The following ELL variants were observed in gnomAD, a reference collection of about 807,000 sequenced individuals.
The protein encoded by ELL is elongation factor for RNA polymerase II, also known as RNA polymerase II elongation factor ELL.
Under a neutral mutation model 64.0 loss-of-function variants are expected in ELL, and 18 were observed. The observed-to-expected ratio is 0.28, with a 90% CI of 0.19 to 0.42. The LOEUF (loss-of-function observed/expected upper bound fraction) is 0.42. Ranked by LOEUF, ELL falls within the 10% of genes least tolerant of loss-of-function variation. The probability of loss-of-function intolerance (pLI) is 1.00; values close to 1 mark genes in which losing one functional copy is unlikely to be tolerated. For synonymous variants in ELL, 399 were observed against 376.2 expected (o/e 1.06, Z -0.70); for missense variants, 797 against 870.4 (o/e 0.92, Z 1.06).
chr19:18,458,397 T>A, intron 5 of ELL, 68 bp from the exon 6 acceptor site: 1 of 1,571,658 alleles, frequency 6.4e-7, no homozygotes, highest in Non-Finnish European at 8.6e-7. Flanking sequence ...AGAAAAAAGA[T>A]CTGATAGTGG....
At chr19:18,472,634 C>T in intron 2 of ELL, 1 of 590,782 alleles carries the variant, frequency 1.7e-6, no homozygotes, top group Non-Finnish European at 2.9e-6. Context: ...ATTGCCCAAG[C>T]AGCCTGTGAC....
At position 18,451,538 on chromosome 19, in the gene ELL, C is replaced by T; in HGVS notation, c.966+14G>A. 1 of 1,477,288 alleles carries T rather than the reference C, an allele frequency of 6.8e-7. No homozygotes were observed. The highest frequency in any genetic ancestry group is 8.9e-7 in the Non-Finnish European group (1 of 1,122,182). 91.5% of individuals were successfully genotyped at this position (1,477,288 alleles called of 1,614,324 possible). On this transcript the variant is annotated intron_variant, in intron 7 of 11. Coordinates refer to ENST00000262809, the MANE Select transcript of ELL (RefSeq NM_006532.4). ...AGGTGCTTGGGACAGTCACCCCAGG[C>T]ATGCCTCACTTACCTGTGGGGGCGA... is the stretch of plus-strand genomic sequence containing the variant.
At chr19:18,495,161 T>G (rs535846869) in intron 1 of ELL, among the ~76,000 whole-genome samples, 2 of 152,082 alleles carry the variant, frequency 1.3e-5, no homozygotes, top group Admixed American at 1.3e-4. Context: ...CTGTTCTAAC[T>G]GCCAAGGGTT....
chr19:18,507,692 C>T (rs538096048), intron 1 of ELL, among the ~76,000 whole-genome samples: 1 of 152,360 alleles, frequency 6.6e-6, no homozygotes, highest in Admixed American at 6.5e-5. Context: ...ACTGGAGAAA[C>T]ACTCCTGGAG....
At position 18,482,372 on chromosome 19, in the gene ELL, CA is replaced by C. The variant is rs531192955; in HGVS notation, c.136-9491del. Among the ~76,000 whole-genome samples the C allele has an allele frequency of 1.2e-4, 15 of 123,700 alleles. No individual in the cohort carries two copies. The South Asian group carries it at 3.9e-3, about 32-fold the overall frequency. 81.2% of individuals were successfully genotyped at this position (123,700 alleles called of 152,430 possible). A position where few individuals can be genotyped will look rare whatever the true frequency, so the allele number is the denominator to read the frequency against. ...TCGCCCTGTCACCTAGGCTGAAGTGCAGTGGTGTGATCTCAGCTCACTGCAA... is the reference window on the plus strand; with the variant it reads ...TCGCCCTGTCACCTAGGCTGAAGTGCGTGGTGTGATCTCAGCTCACTGCAA... On this transcript the variant is annotated intron_variant, in intron 1 of 11. Transcript: ENST00000262809.
At chr19:18,485,853 G>A (rs1975402440) in intron 1 of ELL, among the ~76,000 whole-genome samples, 1 of 152,116 alleles carries the variant, frequency 6.6e-6, no homozygotes, top group Non-Finnish European at 1.5e-5. Context: ...GGGCGTGGTA[G>A]CACACGCCTA....
chr19:18,465,849 C>T lies in ELL; in HGVS notation c.253G>A (p.Gly85Ser), dbSNP rs764272424. 3.7e-6 allele frequency: 5 copies of T among 1,346,102 alleles called. No individual in the cohort carries two copies. Among genetic ancestry groups the T allele is most frequent in the African/African-American group, 3.0e-5 (2 of 66,668 alleles). 83.4% of individuals were successfully genotyped at this position (1,346,102 alleles called of 1,614,324 possible). A position where few individuals can be genotyped will look rare whatever the true frequency, so the allele number is the denominator to read the frequency against. The change falls in exon 3 of 12, where the codon GGC (glycine) becomes AGC (serine). Residue 85 changes from glycine (G) to serine (S), a missense_variant. Physicochemically the swap from Gly to Ser is moderately conservative, Grantham distance 56. Transcript: ENST00000262809. ...RTFSFYLSNI[G>S]RDNPQGSFDC... ...AAGCTGCCCTGGGGGTTGTCGCGGC[C>T]GATGTTGGAGAGGTAGAAGGAGAAC...
At chr19:18,504,229 G>C (rs530212048) in intron 1 of ELL, among the ~76,000 whole-genome samples, 2 of 152,330 alleles carry the variant, frequency 1.3e-5, no homozygotes, top group Non-Finnish European at 2.9e-5. Context: ...GAGGAGGGGA[G>C]GTGGGCAAAG....
intron 1 of ELL, among the ~76,000 whole-genome samples, chr19:18,485,276 T>A (rs1288931334): frequency 6.6e-6 from 1 of 152,268 alleles, no homozygotes; most frequent in East Asian, 1.9e-4. Flanking sequence ...TCAACTCCCC[T>A]GCAGACAAGG....
At chr19:18,518,826 C>T (rs1340626746) in intron 1 of ELL, among the ~76,000 whole-genome samples, 2 of 152,008 alleles carry the variant, frequency 1.3e-5, no homozygotes, top group East Asian at 1.9e-4. Context: ...GCACAAAGTC[C>T]AAGGTAGAGT....
At chr19:18,465,208 C>T (rs1324278646) in intron 4 of ELL, among the ~76,000 whole-genome samples, 1 of 152,268 alleles carries the variant, frequency 6.6e-6, no homozygotes, top group Non-Finnish European at 1.5e-5. Context: ...CTATCCCTCA[C>T]ATAGCCCCCA....
At chr19:18,511,506 TAC>T (rs1173084609) in intron 1 of ELL, among the ~76,000 whole-genome samples, 1 of 152,152 alleles carries the variant, frequency 6.6e-6, no homozygotes, top group African/African-American at 2.4e-5. Context: ...CATGGTTCAC[TAC>T]AGTCAAGAGG....
At chr19:18,468,975 T>C (rs539865166) in intron 2 of ELL, among the ~76,000 whole-genome samples, 1 of 152,278 alleles carries the variant, frequency 6.6e-6, no homozygotes, top group Admixed American at 6.5e-5. Context: ...ATAGTGGCCC[T>C]TCACCCTGCT....
chr19:18,513,977 A>G (rs1976080290), intron 1 of ELL, among the ~76,000 whole-genome samples: 1 of 152,070 alleles, frequency 6.6e-6, no homozygotes, highest in African/African-American at 2.4e-5. Flanking sequence ...CAGTTATTCC[A>G]CAAACTTGAC....
At chr19:18,509,285 C>G (rs139239262) in intron 1 of ELL, among the ~76,000 whole-genome samples, 1 of 152,114 alleles carries the variant, frequency 6.6e-6, no homozygotes, top group African/African-American at 2.4e-5. Flanking sequence ...GTAGGGGCTA[C>G]AAGATCCACA....
rs192179563 is a variant in ELL at position 18,489,198 on chromosome 19, G to A, written c.136-16316C>T. Reference sequence around the variant, plus strand: ...CACACCAGAAAGCAGGAGACAGCAGGAGCTCTGCCAAGTGTGCTGTGGATC... The same window carrying A: ...CACACCAGAAAGCAGGAGACAGCAGAAGCTCTGCCAAGTGTGCTGTGGATC... On this transcript the variant is annotated intron_variant, in intron 1 of 11. Transcript: ENST00000262809. 1.5e-3 allele frequency among the ~76,000 whole-genome samples: 231 copies of A among 152,348 alleles called. 1 individual carries two copies. The highest frequency in any genetic ancestry group is 2.1e-3 in the Non-Finnish European group (142 of 68,036).
chr19:18,459,566 C>A, intron 5 of ELL, among the ~76,000 whole-genome samples: 1 of 138,382 alleles, frequency 7.2e-6, no homozygotes, highest in South Asian at 2.3e-4. Flanking sequence ...GTTGCCCAGG[C>A]TAGAGTGCAA....
rs35016380 is a variant in ELL, at chr19:18,449,974, C to CG, written c.1465+502dup. On this transcript the variant is annotated intron_variant, in intron 8 of 11. Coordinates refer to ENST00000262809, the MANE Select transcript of ELL (RefSeq NM_006532.4). This position sits in a 1 kb window ranked among gnomAD's most constrained non-coding sequence, Gnocchi z 4.4. Reference sequence around the variant, plus strand: ...GCAGAAACCTACAGTCCACAACAGTCGCACGGTGCCTACAGAGGTCCAGGT... The same window carrying CG: ...GCAGAAACCTACAGTCCACAACAGTCGGCACGGTGCCTACAGAGGTCCAGGT... 0.14 allele frequency among the ~76,000 whole-genome samples: 22,053 copies of CG among 152,226 alleles called. 1,692 individuals carry two copies. The highest frequency in any genetic ancestry group is 0.2 in the South Asian group (971 of 4,828).
chr19:18,496,559 T>G, intron 1 of ELL, among the ~76,000 whole-genome samples: 1 of 151,406 alleles, frequency 6.6e-6, no homozygotes. Flanking sequence ...TAGAAACATA[T>G]AGTTTGGCAG....
Sources: allele counts gnomAD v4.1 joint callset (sites outside exome capture counted in the v4.1 genomes callset), GRCh38; gene constraint gnomAD v4.1.1; non-coding constraint Gnocchi (gnomAD v3.1); transcripts MANE v1.5; gene names NCBI Gene and HGNC (gene_info 2026-07-23, HGNC 2026-07-21).